The following PDE4D variants were observed in gnomAD, a reference collection of about 807,000 sequenced individuals.
PDE4D encodes the protein 3',5'-cyclic-AMP phosphodiesterase 4D.
A neutral mutation model predicts 87.4 loss-of-function variants in PDE4D; 24 were observed. The ratio of observed to expected loss-of-function variants is 0.27; its 90% CI spans 0.20 to 0.39. PDE4D has a LOEUF of 0.39. Among genes scored for constraint, PDE4D ranks in the 10% least tolerant of loss-of-function variants. The probability of loss-of-function intolerance (pLI) is 1.00; values close to 1 mark genes in which losing one functional copy is unlikely to be tolerated. For missense variants in PDE4D, 714 were observed against 1,041.0 expected (o/e 0.69, Z 4.32); for synonymous variants, 384 against 383.2 (o/e 1.00, Z -0.02).
At chr5:59,116,001 A>C (rs1773545605) in intron 5 of PDE4D, among the ~76,000 whole-genome samples, 1 of 152,210 alleles carries the variant, frequency 6.6e-6, no homozygotes, top group African/African-American at 2.4e-5. Flanking sequence ...TATAATTATT[A>C]ATGGAAAACA....
chr5:59,656,079 C>T (rs972604727), intron 1 of PDE4D, among the ~76,000 whole-genome samples: 2 of 152,170 alleles, frequency 1.3e-5, no homozygotes, highest in African/African-American at 4.8e-5. Context: ...GCATACACCA[C>T]ACACACGTTT....
chr5:59,724,300 T>C (rs1227908417), intron 1 of PDE4D, among the ~76,000 whole-genome samples: 1 of 152,134 alleles, frequency 6.6e-6, no homozygotes, highest in Non-Finnish European at 1.5e-5. Context: ...CCAGGATCAC[T>C]TCCTCAAGAT....
intron 2 of PDE4D, among the ~76,000 whole-genome samples, chr5:60,150,428 C>A (rs1781402178): frequency 6.6e-6 from 1 of 152,022 alleles, no homozygotes; most frequent in African/African-American, 2.4e-5. Context: ...CCATGAAATA[C>A]TAGACTTTTT....
intron 1 of PDE4D, among the ~76,000 whole-genome samples, chr5:59,702,954 T>C (rs1313701786): frequency 6.7e-6 from 1 of 149,762 alleles, no homozygotes; most frequent in Non-Finnish European, 1.5e-5. Flanking sequence ...AGTGAAAAAG[T>C]GAGCTTCTTA....
chr5:60,316,565 C>T (rs2149826960), intron 1 of PDE4D, among the ~76,000 whole-genome samples: 1 of 152,202 alleles, frequency 6.6e-6, no homozygotes, highest in East Asian at 1.9e-4. Flanking sequence ...TGTCTTGTGC[C>T]AGTTTTCAAA....
intron 1 of PDE4D, among the ~76,000 whole-genome samples, chr5:60,238,595 T>G (rs1383382498): frequency 1.3e-5 from 2 of 152,026 alleles, no homozygotes. Flanking sequence ...TAATTTGCAT[T>G]TACTTGATTA....
Position 60,247,319 on chromosome 5 carries a change from T to G in PDE4D, c.-89-61632A>C, listed in dbSNP as rs184462562. Among the ~76,000 whole-genome samples, 884 of 152,118 alleles carry G rather than the reference T, an allele frequency of 5.8e-3. 7 individuals are homozygous for G. The highest frequency in any genetic ancestry group is 0.021 in the African/African-American group (853 of 41,552). On this transcript the variant is annotated intron_variant, in intron 1 of 16. Coordinates refer to the PDE4D transcript ENST00000502484. ...GTAATGATTTTATTTCCTTTCAAGA[T>G]TAGACATGCAGTATTTCTAAGCATC...
chr5:60,177,683 G>C (rs1784040863), intron 2 of PDE4D, among the ~76,000 whole-genome samples: 2 of 152,148 alleles, frequency 1.3e-5, no homozygotes, highest in Admixed American at 1.3e-4. Flanking sequence ...TATTGAGCCT[G>C]TTCTAAGAAG....
chr5:60,429,623 T>C (rs981632980), intron 1 of PDE4D, among the ~76,000 whole-genome samples: 1 of 152,186 alleles, frequency 6.6e-6, no homozygotes, highest in African/African-American at 2.4e-5. Context: ...TGGCTTACTA[T>C]TTTGAGGTAT....
chr5:59,549,271 T>C (rs764797465), intron 1 of PDE4D, among the ~76,000 whole-genome samples: 5 of 152,186 alleles, frequency 3.3e-5, no homozygotes, highest in Non-Finnish European at 5.9e-5. Flanking sequence ...AAATGTTAAG[T>C]GTTCAACAGC....
rs532066055 is a variant in PDE4D, at chr5:59,112,908, C to T, written c.808+67687G>A. On this transcript the variant is annotated intron_variant, in intron 5 of 14. Transcript: ENST00000340635. ...CTCTGCCTCCCAGATTTAAGCGATT[C>T]TCCTGCCTCAGCCTCCTGAGTAGCT... Among the ~76,000 whole-genome samples the T allele has an allele frequency of 2.2e-3, 341 of 151,620 alleles. 1 individual carries two copies. The highest frequency in any genetic ancestry group is 3.8e-3 in the Non-Finnish European group (258 of 67,958).
chr5:60,282,792 G>C lies in PDE4D; in HGVS notation c.-89-97105C>G, dbSNP rs10461450. Among the ~76,000 whole-genome samples, 1,110 of 152,246 alleles carry C rather than the reference G, an allele frequency of 7.3e-3. 103 individuals are homozygous for C. In the East Asian group the frequency reaches 0.19, roughly 26 times the overall value. ...TCAATCCACTACATATGAGTTATTTGGAAGCATGATATTTAGTGTCCAGAT... is the reference window on the plus strand; with the variant it reads ...TCAATCCACTACATATGAGTTATTTCGAAGCATGATATTTAGTGTCCAGAT... On this transcript the variant is annotated intron_variant, in intron 1 of 16. Coordinates refer to the PDE4D transcript ENST00000502484.
chr5:60,074,710 A>G (rs528436857), intron 2 of PDE4D, among the ~76,000 whole-genome samples: 1 of 152,362 alleles, frequency 6.6e-6, no homozygotes, highest in East Asian at 1.9e-4. Flanking sequence ...GTACCTATTT[A>G]GGATAGTCAG....
chr5:60,093,789 G>A (rs1003957908), intron 2 of PDE4D, among the ~76,000 whole-genome samples: 1 of 151,784 alleles, frequency 6.6e-6, no homozygotes, highest in Non-Finnish European at 1.5e-5. Flanking sequence ...ATGTAAAAAT[G>A]TTTTTTGCAA....
intron 1 of PDE4D, among the ~76,000 whole-genome samples, chr5:59,535,185 AT>A (rs1814969278): frequency 6.6e-6 from 1 of 151,998 alleles, no homozygotes; most frequent in Non-Finnish European, 1.5e-5. Flanking sequence ...GTAGGGATGC[AT>A]TTCTTAACCA....
intron 1 of PDE4D, among the ~76,000 whole-genome samples, chr5:59,815,315 CACTT>C (rs918448887): frequency 6.6e-6 from 1 of 152,138 alleles, no homozygotes; most frequent in Non-Finnish European, 1.5e-5. Context: ...TTTCAGAACT[CACTT>C]AATCAGCAGA....
In PDE4D at chr5:59,396,943, A is replaced by G. The variant is rs1449080663; in HGVS notation, c.456-180975T>C. On this transcript the variant is annotated intron_variant, in intron 1 of 14. Coordinates refer to ENST00000340635, the MANE Select transcript of PDE4D (RefSeq NM_001104631.2). Reference sequence around the variant, plus strand: ...GCAGGGGTTGCAATCCTGGTCTCTGATAAAACAGACTTTAAACCAACAAAG... The same window carrying G: ...GCAGGGGTTGCAATCCTGGTCTCTGGTAAAACAGACTTTAAACCAACAAAG... Among the ~76,000 whole-genome samples, 2 of 117,060 alleles carry G rather than the reference A, an allele frequency of 1.7e-5. 1 individual carries two copies. Among genetic ancestry groups the G allele is most frequent in the Non-Finnish European group, 3.6e-5 (2 of 55,690 alleles). 76.8% of individuals were successfully genotyped at this position (117,060 alleles called of 152,430 possible).
In PDE4D at chr5:60,109,564, A is replaced by T. The variant is rs539874682; in HGVS notation, c.42+75993T>A. Among the ~76,000 whole-genome samples, 687 of 152,066 alleles carry T rather than the reference A, an allele frequency of 4.5e-3. 5 individuals carry two copies. The highest frequency in any genetic ancestry group is 0.016 in the African/African-American group (666 of 41,420). ...CTGCTATAAAGACACATGCACACGT[A>T]TGTTTATTGTGGCACTATTCAAAAT... On this transcript the variant is annotated intron_variant, in intron 2 of 16. Coordinates refer to the PDE4D transcript ENST00000502484.
At chr5:59,200,004 AACATACATACATGCAC>A (rs70973200) in intron 2 of PDE4D, among the ~76,000 whole-genome samples, 9,983 of 144,510 alleles carry the variant, frequency 0.069, 805 homozygotes, top group East Asian at 0.11. Context: ...ACATGCATGC[AACATACATACATGCAC>A]ATATACATAC....
Sources: allele counts gnomAD v4.1 joint callset (sites outside exome capture counted in the v4.1 genomes callset), GRCh38; gene constraint gnomAD v4.1.1; transcripts MANE v1.5; gene names NCBI Gene and HGNC (gene_info 2026-07-23, HGNC 2026-07-21).